KDM6B: variants seen among roughly 807,000 people sequenced by gnomAD.
KDM6B encodes lysine-specific demethylase 6B.
KDM6B carries 22 observed loss-of-function variants against 150.4 expected under a neutral mutation model. That is an observed-to-expected ratio of 0.15 (90% CI 0.10 to 0.21). The LOEUF (loss-of-function observed/expected upper bound fraction) is 0.21, where lower values mean the gene tolerates loss of function less well. Ranked by LOEUF, KDM6B falls within the 10% of genes least tolerant of loss-of-function variation. The pLI, the probability that KDM6B is intolerant of heterozygous loss-of-function variation, is 1.00. For missense variants in KDM6B, 1,984 were observed against 2,234.3 expected (o/e 0.89, Z 2.26); for synonymous variants, 1,148 against 921.1 (o/e 1.25, Z -4.46).
intron 1 of KDM6B, among the ~76,000 whole-genome samples, chr17:7,835,395 C>CCCTG (rs2078314378): frequency 6.6e-6 from 1 of 151,940 alleles, no homozygotes; most frequent in Non-Finnish European, 1.5e-5. Context: ...ACAGGAAGAG[C>CCCTG]CCTGGGAGGA....
chr17:7,850,485 C>A (rs78633955), intron 14 of KDM6B, among the ~76,000 whole-genome samples: 1 of 152,158 alleles, frequency 6.6e-6, no homozygotes, highest in Non-Finnish European at 1.5e-5. Flanking sequence ...TCTTTTATTG[C>A]GCAGAATTTC....
chr17:7,848,424 G>A lies in KDM6B; in HGVS notation c.2136G>A (p.Gln712=), dbSNP rs775297028. ...AATCCATTCGCAAGGAAGAGGAACAGCAACAACACGAAGCAGGCGTGGCCC... is the reference window on the plus strand; with the variant it reads ...AATCCATTCGCAAGGAAGAGGAACAACAACAACACGAAGCAGGCGTGGCCC... ...LDESIRKEEE[Q]QQHEAGVAPQ... Residue 712 remains glutamine, a synonymous_variant, in exon 12 of 24, where the codon CAG becomes CAA. Transcript: ENST00000448097. 1.9e-6 allele frequency: 3 copies of A among 1,613,112 alleles called. No homozygotes were observed. The highest frequency in any genetic ancestry group is 1.7e-6 in the Non-Finnish European group (2 of 1,180,002).
intron 5 of KDM6B, 89 bp from the exon 6 acceptor site, chr17:7,845,783 T>A: frequency 1.9e-6 from 3 of 1,601,840 alleles, no homozygotes; most frequent in Non-Finnish European, 2.6e-6. Context: ...CCTGTCATTC[T>A]GTGGGCTTCC....
In KDM6B at chr17:7,852,783, C is replaced by T. The variant is rs1417849939; in HGVS notation, c.4610+147C>T. On this transcript the variant is annotated intron_variant, in intron 21 of 23. Transcript: ENST00000448097. ...ACTGTGTTGGGGAGGCTAACTAGGT[C>T]CTTGCTGTCATGACCTTTTCTAGTG... is the stretch of plus-strand genomic sequence containing the variant. 3 of 1,318,890 alleles carry T rather than the reference C, an allele frequency of 2.3e-6. No individual in the cohort carries two copies. The African/African-American group carries it at 4.3e-5, about 19-fold the overall frequency. The allele number at this position is 1,318,890 out of a possible 1,614,324, so 81.7% of individuals were successfully genotyped here. A position where few individuals can be genotyped will look rare whatever the true frequency, so the allele number is the denominator to read the frequency against.
Position 7,847,930 on chromosome 17 carries a change from ACCC to A in KDM6B, c.1644_1646del (p.Pro549del). 6.7e-7 allele frequency: 1 copy of A among 1,492,186 alleles called. No individual in the cohort carries two copies. The highest frequency in any genetic ancestry group is 1.1e-5 in the South Asian group (1 of 89,034). The allele number at this position is 1,492,186 out of a possible 1,614,324, so 92.4% of individuals were successfully genotyped here. A position where few individuals can be genotyped will look rare whatever the true frequency, so the allele number is the denominator to read the frequency against. On this transcript the variant is annotated inframe_deletion, in exon 12 of 24. Transcript: ENST00000448097. ...TTCTCACACCCCTCCCACTCCCCCAACCCCAACCACCAGCAGTAGCAACAGCAA... is the reference window on the plus strand; with the variant it reads ...TTCTCACACCCCTCCCACTCCCCCAACAACCACCAGCAGTAGCAACAGCAA...
In KDM6B at chr17:7,846,089, C is replaced by T. The variant is rs141369717; in HGVS notation, c.248C>T (p.Pro83Leu). 138 of 1,611,262 alleles carry T rather than the reference C, an allele frequency of 8.6e-5. No homozygotes were observed. The African/African-American group carries it at 1.6e-3, about 19-fold the overall frequency. ...KPYYAPGAPT[P>L]RPLHGKLESL... ...CTTCTGCTCTGTAGGGCGCCCACTC[C>T]AAGACCCCTCCATGGGAAGCTGGAA... The change falls in exon 7 of 24, where the codon CCA (proline) becomes CTA (leucine). Residue 83 changes from proline to leucine, a missense_variant. This residue lies in a region of KDM6B where 337 missense variants were observed against 323.9 expected (regional missense o/e 1.04). Transcript: ENST00000448097.
At position 7,845,542 on chromosome 17, in the gene KDM6B, C is replaced by T; in HGVS notation, c.-5-8C>T. On this transcript the variant is annotated splice_region_variant and splice_polypyrimidine_tract_variant and intron_variant, in intron 4 of 23. Transcript: ENST00000448097. ...CAGTAAGAGCATAATTTCTTATCCC[C>T]AACTCAGGCTGGATGCATCGGGCAG... is the stretch of plus-strand genomic sequence containing the variant. The T allele has an allele frequency of 3.7e-6, 6 of 1,614,082 alleles. No individual in the cohort carries two copies. Among genetic ancestry groups the T allele is most frequent in the Non-Finnish European group, 5.1e-6 (6 of 1,180,012 alleles).
Position 7,851,041 on chromosome 17 carries a change from A to G in KDM6B, c.3694A>G (p.Lys1232Glu). ...TCCAGACTTGGGCCTCTTCTCCACC[A>G]AGACCCTGGTGGAAGCGAGTGGCGA... ...LRLNLGLFST[K>E]TLVEASGEHT... Residue 1232 changes from lysine to glutamate, a missense_variant, in exon 15 of 24, where the codon AAG becomes GAG. Transcript: ENST00000448097. 1 of 1,610,740 alleles carries G rather than the reference A, an allele frequency of 6.2e-7. No individual in the cohort carries two copies. Among genetic ancestry groups the G allele is most frequent in the Non-Finnish European group, 8.5e-7 (1 of 1,178,834 alleles).
At position 7,849,567 on chromosome 17, in the gene KDM6B, C is replaced by T. The variant is rs766400612; in HGVS notation, c.3279C>T (p.Arg1093=). Residue 1093 remains arginine, a synonymous_variant, in exon 12 of 24, where the codon CGC becomes CGT. Coordinates refer to ENST00000448097, the MANE Select transcript of KDM6B (RefSeq NM_001348716.2). ...GCCGGGCCGACATGCTGAAGCTGCG[C>T]TCACTTAGTGAGGGGCCCCCCAAGG... ...GVSRADMLKL[R]SLSEGPPKEL... 6.8e-6 allele frequency: 11 copies of T among 1,612,724 alleles called. No homozygotes were observed. The African/African-American group carries it at 9.3e-5, about 14-fold the overall frequency.
chr17:7,837,143 C>T (rs946430155), intron 1 of KDM6B, among the ~76,000 whole-genome samples: 2 of 152,228 alleles, frequency 1.3e-5, no homozygotes, highest in African/African-American at 2.4e-5. Flanking sequence ...AGAGCTTCCC[C>T]TCCAAGGCTC....
rs941058382 is a variant in KDM6B at position 7,843,938 on chromosome 17, G to GC, written c.-268-963_-268-962insC. On this transcript the variant is annotated intron_variant, in intron 2 of 23. Transcript: ENST00000448097. The surrounding 1 kb of genome is among the most constrained non-coding windows in gnomAD (Gnocchi z 4.5). ...CCAGTCGGCACCAAAGCGAAAGGGT[G>GC]GGGGGGGCGTGAAGGAGGAAGTGAA... is the stretch of plus-strand genomic sequence containing the variant. 1.7e-4 allele frequency among the ~76,000 whole-genome samples: 24 copies of GC among 137,774 alleles called. 1 individual carries two copies. In the Middle Eastern group the frequency reaches 0.018, roughly 102 times the overall value. 90.4% of individuals were successfully genotyped at this position (137,774 alleles called of 152,430 possible).
rs2078622901 is a variant in KDM6B, at chr17:7,848,752, G to A, written c.2464G>A (p.Gly822Arg). ...EGQKYCYRGT[G>R]AAVSTRPGPL... The stretch of plus-strand genomic sequence containing the variant: ...ACAAAAGTACTGTTATCGGGGGACT[G>A]GAGCAGCTGTTTCCACCCGGCCTGG... Residue 822 changes from glycine (G) to arginine (R), a missense_variant, in exon 12 of 24, where the codon GGA becomes AGA. Gly to Arg is a moderately radical substitution (Grantham distance 125, BLOSUM62 -2). This residue lies in a region of KDM6B where 1,379 missense variants were observed against 1,275.6 expected (regional missense o/e 1.08). Coordinates refer to ENST00000448097, the MANE Select transcript of KDM6B (RefSeq NM_001348716.2). The A allele has an allele frequency of 1.2e-6, 2 of 1,612,946 alleles. No individual in the cohort carries two copies. The highest frequency in any genetic ancestry group is 2.2e-5 in the East Asian group (1 of 44,886).
chr17:7,839,234 G>GT (rs1377520111), intron 1 of KDM6B, among the ~76,000 whole-genome samples: 1 of 152,124 alleles, frequency 6.6e-6, no homozygotes, highest in Non-Finnish European at 1.5e-5. Context: ...GAGTGGGCCT[G>GT]TATCACCTTC....
rs1597848881 is a variant in KDM6B at position 7,849,147 on chromosome 17, G to A, written c.2859G>A (p.Leu953=). Residue 953 remains leucine (L), a synonymous_variant, in exon 12 of 24, where the codon CTG becomes CTA. Transcript: ENST00000448097. ...EPADSGTERL[L]PPAQAKEEAG... ...CGGACAGTGGGACTGAGCGACTGCT[G>A]CCCCCCGCACAGGCCAAGGAGGAGG... The A allele has an allele frequency of 1.2e-6, 2 of 1,611,892 alleles. No individual in the cohort carries two copies. Among genetic ancestry groups the A allele is most frequent in the Non-Finnish European group, 8.5e-7 (1 of 1,179,632 alleles).
In KDM6B at chr17:7,853,637, T is replaced by G; in HGVS notation, c.*116T>G. 1.6e-6 allele frequency: 1 copy of G among 641,070 alleles called. No individual in the cohort carries two copies. The highest frequency in any genetic ancestry group is 2.2e-6 in the Non-Finnish European group (1 of 447,028). 39.7% of individuals were successfully genotyped at this position (641,070 alleles called of 1,614,324 possible). A position where few individuals can be genotyped will look rare whatever the true frequency, so the allele number is the denominator to read the frequency against. On this transcript the variant is annotated 3_prime_UTR_variant, in exon 24 of 24. Coordinates refer to ENST00000448097, the MANE Select transcript of KDM6B (RefSeq NM_001348716.2). ...CGAGAAGGGGGTCGGGCCCAGCCCT[T>G]CCACCCCATTGGCAGCTCCCCTCAC...
In KDM6B at chr17:7,845,574, C is replaced by T. The variant is rs2078514615; in HGVS notation, c.20C>T (p.Pro7Leu). MHRAVD[P>L]PGARAAREAF... ...GGCTGGATGCATCGGGCAGTGGACC[C>T]TCCAGGGGCCCGCGCTGCACGGGAA... The change falls in exon 5 of 24, where the codon CCT becomes CTT. Residue 7 changes from proline to leucine, a missense_variant. Pro to Leu is a moderately conservative substitution (Grantham distance 98, BLOSUM62 -3). This residue lies in a region of KDM6B where 337 missense variants were observed against 323.9 expected (regional missense o/e 1.04). Transcript: ENST00000448097. The T allele has an allele frequency of 1.2e-6, 2 of 1,614,164 alleles. No homozygotes were observed. Among genetic ancestry groups the T allele is most frequent in the African/African-American group, 1.3e-5 (1 of 75,064 alleles).
rs1040687950 is a variant in KDM6B at position 7,844,680 on chromosome 17, G to C, written c.-268-221G>C. Among the ~76,000 whole-genome samples, 2 of 152,164 alleles carry C rather than the reference G, an allele frequency of 1.3e-5. No homozygotes were observed. Among genetic ancestry groups the C allele is most frequent in the Non-Finnish European group, 1.5e-5 (1 of 68,024 alleles). On this transcript the variant is annotated intron_variant, in intron 2 of 23. Transcript: ENST00000448097. The surrounding 1 kb of genome is among the most constrained non-coding windows in gnomAD (Gnocchi z 5.9). ...TGCGGGTAGCGCCGGCCCCCACGCC[G>C]GCCGGAGCATGCGACTAACCGGCCT...
intron 6 of KDM6B, 25 bp from the exon 7 acceptor site, chr17:7,846,053 C>T (rs1174173108): frequency 1.4e-6 from 2 of 1,389,598 alleles, no homozygotes; most frequent in African/African-American, 1.4e-5. Context: ...CCCCCACCCA[C>T]ACCCCCACCC....
At chr17:7,841,744 CAT>C (rs34719804) in intron 2 of KDM6B, among the ~76,000 whole-genome samples, 168 of 152,356 alleles carry the variant, frequency 1.1e-3, no homozygotes, top group African/African-American at 3.8e-3. Flanking sequence ...TGCAGTGACA[CAT>C]AGCGGGCCGG....
Sources: gnomAD v4.1 joint callset for allele counts (sites outside exome capture counted in the v4.1 genomes callset) on GRCh38, gnomAD v4.1.1 for gene constraint, gnomAD v4.1.1 regional missense constraint, Gnocchi (gnomAD v3.1) non-coding constraint, MANE v1.5 for transcripts, NCBI Gene and HGNC (gene_info 2026-07-23, HGNC 2026-07-21) for gene names.